GAB1: variants seen among roughly 807,000 people sequenced by gnomAD.
GAB1 encodes the protein GRB2 associated binding protein 1.
In GAB1, 19 loss-of-function variants were observed where a neutral mutation model predicts 66.5. The ratio of observed to expected loss-of-function variants is 0.29; its 90% confidence interval spans 0.20 to 0.42. The LOEUF is 0.42. GAB1 is among the 10% of genes least tolerant of loss of function. GAB1 has a pLI of 1.00. For missense variants in GAB1, 732 were observed against 858.5 expected (o/e 0.85, Z 1.84); for synonymous variants, 294 against 301.4 (o/e 0.98, Z 0.25).
intron 1 of GAB1, among the ~76,000 whole-genome samples, chr4:143,414,839 T>C (rs1732593306): frequency 6.6e-6 from 1 of 152,202 alleles, no homozygotes; most frequent in Non-Finnish European, 1.5e-5. Flanking sequence ...TTAGCTATTT[T>C]TAATATACAA....
intron 1 of GAB1, among the ~76,000 whole-genome samples, chr4:143,353,162 G>C (rs567607736): frequency 2.4e-4 from 36 of 152,264 alleles, no homozygotes; most frequent in Middle Eastern, 6.8e-3. Context: ...GGTTATTCTG[G>C]TTATTGGATC....
intron 9 of GAB1, among the ~76,000 whole-genome samples, chr4:143,466,463 T>C (rs1331796934): frequency 2.0e-5 from 3 of 149,580 alleles, no homozygotes; most frequent in African/African-American, 7.4e-5. Flanking sequence ...ACCATTGAAA[T>C]AGTTATTTAA....
Position 143,398,379 on chromosome 4 carries a change from G to T in GAB1, c.73-17098G>T, listed in dbSNP as rs143339190. Reference sequence around the variant, plus strand: ...CACAGTTTTTAGAAGCAGAATTTCTGCTGTTGCAGGGGGAAGTTTTATATG... The same window carrying T: ...CACAGTTTTTAGAAGCAGAATTTCTTCTGTTGCAGGGGGAAGTTTTATATG... On this transcript the variant is annotated intron_variant, in intron 1 of 9. Transcript: ENST00000262994. Among the ~76,000 whole-genome samples the T allele has an allele frequency of 3.8e-3, 586 of 152,236 alleles. 2 individuals carry two copies. Among genetic ancestry groups the T allele is most frequent in the African/African-American group, 0.013 (537 of 41,530 alleles).
At chr4:143,428,466 C>T (rs1459140088) in intron 2 of GAB1, among the ~76,000 whole-genome samples, 5 of 152,116 alleles carry the variant, frequency 3.3e-5, no homozygotes, top group Non-Finnish European at 7.4e-5. Context: ...TTGGTTAGCT[C>T]CCTTGGTCTT....
chr4:143,355,855 C>T (rs987982287), intron 1 of GAB1, among the ~76,000 whole-genome samples: 5 of 152,234 alleles, frequency 3.3e-5, no homozygotes, highest in African/African-American at 1.2e-4. Flanking sequence ...TTCCAACCCT[C>T]CTTTAATTTT....
chr4:143,468,120 A>T (rs757183211), intron 9 of GAB1, among the ~76,000 whole-genome samples: 5 of 151,934 alleles, frequency 3.3e-5, no homozygotes, highest in Non-Finnish European at 7.4e-5. Context: ...TGACAGGAGA[A>T]TCAGGTTGTC....
At chr4:143,426,361 G>A (rs1733357175) in intron 2 of GAB1, among the ~76,000 whole-genome samples, 2 of 152,048 alleles carry the variant, frequency 1.3e-5, no homozygotes, top group African/African-American at 4.8e-5. Flanking sequence ...ACCAGCCTGG[G>A]CAACATGGTG....
At chr4:143,392,387 A>T (rs550346818) in intron 1 of GAB1, among the ~76,000 whole-genome samples, 2 of 152,312 alleles carry the variant, frequency 1.3e-5, no homozygotes, top group East Asian at 3.9e-4. Context: ...GCCAATATAA[A>T]TTGCTTAAAT....
intron 8 of GAB1, among the ~76,000 whole-genome samples, chr4:143,465,002 A>C (rs191813333): frequency 6.6e-6 from 1 of 152,314 alleles, no homozygotes; most frequent in African/African-American, 2.4e-5. Flanking sequence ...ATTTTCTTTA[A>C]AAGTATGAGA....
chr4:143,355,846 T>G (rs300910), intron 1 of GAB1, among the ~76,000 whole-genome samples: 65,663 of 151,972 alleles, frequency 0.43, 15,352 homozygotes, highest in East Asian at 0.72. Flanking sequence ...ATACCTTTCT[T>G]CCAACCCTCC....
At chr4:143,445,998 C>G (rs866362617) in intron 6 of GAB1, among the ~76,000 whole-genome samples, 3 of 151,982 alleles carry the variant, frequency 2.0e-5, no homozygotes, top group Non-Finnish European at 4.4e-5. Flanking sequence ...CTGTGTCCAT[C>G]TGTTCTCATT....
chr4:143,451,177 C>A (rs994711900), intron 6 of GAB1, among the ~76,000 whole-genome samples: 1 of 152,054 alleles, frequency 6.6e-6, no homozygotes, highest in Non-Finnish European at 1.5e-5. Context: ...TAGGGAAGCT[C>A]CCCTGAGGAA....
intron 2 of GAB1, among the ~76,000 whole-genome samples, chr4:143,419,136 A>G (rs1158768130): frequency 6.6e-6 from 1 of 152,146 alleles, no homozygotes; most frequent in Non-Finnish European, 1.5e-5. Flanking sequence ...ATTAAGAGAA[A>G]TATCCAAAAT....
chr4:143,368,073 C>G (rs749071191), intron 1 of GAB1, among the ~76,000 whole-genome samples: 17 of 151,922 alleles, frequency 1.1e-4, no homozygotes, highest in Non-Finnish European at 1.9e-4. Context: ...GCACTCTTCT[C>G]AGGTGCAGAG....
intron 8 of GAB1, among the ~76,000 whole-genome samples, chr4:143,460,798 C>A (rs997482722): frequency 6.6e-6 from 1 of 152,084 alleles, no homozygotes; most frequent in Non-Finnish European, 1.5e-5. Context: ...TGAGGCTAGC[C>A]TGCACAACAT....
intron 2 of GAB1, among the ~76,000 whole-genome samples, chr4:143,419,149 T>C (rs1440956812): frequency 6.6e-6 from 1 of 152,034 alleles, no homozygotes; most frequent in Non-Finnish European, 1.5e-5. Flanking sequence ...TCCAAAATAA[T>C]TCATTGTAAT....
At chr4:143,414,109 C>T (rs1394930488) in intron 1 of GAB1, among the ~76,000 whole-genome samples, 1 of 152,112 alleles carries the variant, frequency 6.6e-6, no homozygotes, top group Non-Finnish European at 1.5e-5. Context: ...AGGCATGAGC[C>T]ACTGCACCCA....
chr4:143,346,211 AAG>A (rs1281146280), intron 1 of GAB1, among the ~76,000 whole-genome samples: 12 of 152,246 alleles, frequency 7.9e-5, no homozygotes, highest in Admixed American at 1.3e-4. Flanking sequence ...TTTCTCTAAA[AAG>A]AGAGTGTTAA....
intron 2 of GAB1, chr4:143,424,988 C>T (rs764070530): frequency 2.8e-5 from 19 of 681,118 alleles, no homozygotes; most frequent in Non-Finnish European, 4.5e-5. Context: ...TCTGTGCTAC[C>T]CACAGAGGGG....
Sources: gnomAD v4.1 joint callset for allele counts (sites outside exome capture counted in the v4.1 genomes callset) on GRCh38, gnomAD v4.1.1 for gene constraint, MANE v1.5 for transcripts, NCBI Gene and HGNC (gene_info 2026-07-23, HGNC 2026-07-21) for gene names.